Variants in TMEM132C observed in about 807,000 individuals in gnomAD.
The protein encoded by TMEM132C is protein phosphatase 1, regulatory subunit 152.
TMEM132C carries 29 observed loss-of-function variants against 61.4 expected under a neutral mutation model. The observed-to-expected ratio is 0.47, with a 90% CI of 0.35 to 0.64. The LOEUF is 0.64. TMEM132C is among the 30% of genes least tolerant of loss of function. TMEM132C has a pLI of 0.00. For synonymous variants in TMEM132C, 656 were observed against 633.1 expected (o/e 1.04, Z -0.54); for missense variants, 1,408 against 1,476.9 (o/e 0.95, Z 0.76).
At chr12:128,386,846 G>A (rs1874599098) in intron 1 of TMEM132C, among the ~76,000 whole-genome samples, 1 of 152,150 alleles carries the variant, frequency 6.6e-6, no homozygotes, top group Admixed American at 6.5e-5. Context: ...AACTGGAAAT[G>A]GGAACAGTGT....
chr12:128,415,607 C>A lies in TMEM132C; in HGVS notation c.961C>A (p.Leu321Ile). 6.5e-7 allele frequency: 1 copy of A among 1,531,074 alleles called. No individual in the cohort carries two copies. The highest frequency in any genetic ancestry group is 8.8e-7 in the Non-Finnish European group (1 of 1,134,818). The allele number at this position is 1,531,074 out of a possible 1,614,324, so 94.8% of individuals were successfully genotyped here. The change falls in exon 2 of 9, where the codon CTC becomes ATC. Residue 321 changes from leucine (L) to isoleucine (I), a missense_variant. Physicochemically the swap from Leu to Ile is conservative, Grantham distance 5. Coordinates refer to ENST00000435159, the MANE Select transcript of TMEM132C (RefSeq NM_001136103.3). The surrounding 1 kb of genome is among the most constrained non-coding windows in gnomAD (Gnocchi z 5.8). ...CATCTCGAGCAATTCCTCTGTGGAC[C>A]TCTTCATCTTGAGGTAGGTGCCCAT... is the stretch of plus-strand genomic sequence containing the variant. Reference protein sequence around the residue: ...VTISSNSSVDLFILRAKVKKG... With the variant: ...VTISSNSSVDIFILRAKVKKG...
At chr12:128,466,503 A>C (rs75485761) in intron 2 of TMEM132C, among the ~76,000 whole-genome samples, 4,545 of 152,218 alleles carry the variant, frequency 0.03, 240 homozygotes, top group African/African-American at 0.1. Context: ...CCAGGTCATG[A>C]CTTTTTTGCA....
chr12:128,691,431 G>C (rs1954718473), intron 5 of TMEM132C, among the ~76,000 whole-genome samples: 1 of 152,204 alleles, frequency 6.6e-6, no homozygotes, highest in Non-Finnish European at 1.5e-5. Flanking sequence ...CTGTCCATCT[G>C]TCTGTGCATC....
intron 1 of TMEM132C, among the ~76,000 whole-genome samples, chr12:128,386,116 G>A (rs1874573422): frequency 6.6e-6 from 1 of 152,106 alleles, no homozygotes; most frequent in African/African-American, 2.4e-5. Context: ...GAATTTTATG[G>A]GCAGAAAGTG....
At chr12:128,615,563 G>T (rs1445626578) in intron 3 of TMEM132C, among the ~76,000 whole-genome samples, 2 of 152,108 alleles carry the variant, frequency 1.3e-5, no homozygotes, top group Non-Finnish European at 2.9e-5. Flanking sequence ...CCTTACATGC[G>T]CAGTTCACAA....
intron 1 of TMEM132C, chr12:128,289,112 A>C (rs1304573474): frequency 2.0e-5 from 3 of 152,176 alleles, no homozygotes; most frequent in African/African-American, 7.2e-5. Flanking sequence ...ACACGTGCAC[A>C]AATACATATG....
At chr12:128,602,426 A>G (rs1429151426) in intron 3 of TMEM132C, among the ~76,000 whole-genome samples, 1 of 152,212 alleles carries the variant, frequency 6.6e-6, no homozygotes, top group Admixed American at 6.5e-5. Flanking sequence ...TGGTTGATTC[A>G]ACCTCTCGAG....
chr12:128,625,481 C>T (rs1213222276), intron 4 of TMEM132C, among the ~76,000 whole-genome samples: 2 of 152,166 alleles, frequency 1.3e-5, no homozygotes, highest in African/African-American at 4.8e-5. Flanking sequence ...GTTTAATGGA[C>T]TTACAGTTCC....
At chr12:128,411,363 G>A (rs1407260443) in intron 1 of TMEM132C, among the ~76,000 whole-genome samples, 1 of 152,198 alleles carries the variant, frequency 6.6e-6, no homozygotes, top group East Asian at 1.9e-4. Flanking sequence ...TCAATGATCA[G>A]TTTGGATCAT....
At chr12:128,653,772 G>A (rs1419848020) in intron 4 of TMEM132C, among the ~76,000 whole-genome samples, 3 of 152,214 alleles carry the variant, frequency 2.0e-5, no homozygotes, top group Non-Finnish European at 4.4e-5. Context: ...TCATGGTGAG[G>A]TGCGAGGTGG....
At chr12:128,394,928 T>G (rs911344280) in intron 1 of TMEM132C, among the ~76,000 whole-genome samples, 1 of 125,940 alleles carries the variant, frequency 7.9e-6, no homozygotes, top group Non-Finnish European at 1.7e-5. Context: ...AAAAATCTAG[T>G]AAAGCTAAAA....
chr12:128,519,876 CCT>C, intron 2 of TMEM132C, among the ~76,000 whole-genome samples: 1 of 152,296 alleles, frequency 6.6e-6, no homozygotes. Context: ...CCTGTGCGGC[CCT>C]GACTTCTGCT....
Position 128,674,597 on chromosome 12 carries a change from C to T in TMEM132C, c.1449+5037C>T, listed in dbSNP as rs556498296. On this transcript the variant is annotated intron_variant, in intron 5 of 8. Coordinates refer to ENST00000435159, the MANE Select transcript of TMEM132C (RefSeq NM_001136103.3). ...GAGTCATATCTGAGGGTTTCCTCTC[C>T]AGCTTATTGGGAAAATCCAGCAGAT... 7.2e-5 allele frequency among the ~76,000 whole-genome samples: 11 copies of T among 152,276 alleles called. No individual in the cohort carries two copies. In the South Asian group the frequency reaches 2.3e-3, roughly 32 times the overall value.
intron 1 of TMEM132C, among the ~76,000 whole-genome samples, chr12:128,344,189 G>A (rs566283602): frequency 6.6e-6 from 1 of 152,136 alleles, no homozygotes; most frequent in Non-Finnish European, 1.5e-5. Flanking sequence ...ACGGAGTCTT[G>A]CTCTGTTGCC....
At chr12:128,311,572 A>T (rs1325217688) in intron 1 of TMEM132C, among the ~76,000 whole-genome samples, 1 of 152,218 alleles carries the variant, frequency 6.6e-6, no homozygotes, top group Non-Finnish European at 1.5e-5. Context: ...GATCAAGTCC[A>T]TTAGATTTGC....
At chr12:128,365,879 G>A (rs546245701) in intron 1 of TMEM132C, among the ~76,000 whole-genome samples, 2 of 152,292 alleles carry the variant, frequency 1.3e-5, no homozygotes, top group East Asian at 3.9e-4. Flanking sequence ...GTGCCGAGGA[G>A]CCCTCCCCGG....
At chr12:128,695,451 G>A (rs565393172) in intron 6 of TMEM132C, among the ~76,000 whole-genome samples, 1 of 152,150 alleles carries the variant, frequency 6.6e-6, no homozygotes, top group East Asian at 1.9e-4. Context: ...TTAAGCCCAG[G>A]AGTTCAAGGC....
intron 3 of TMEM132C, among the ~76,000 whole-genome samples, chr12:128,612,436 G>A (rs1403923195): frequency 1.3e-5 from 2 of 152,182 alleles, no homozygotes; most frequent in African/African-American, 2.4e-5. Context: ...ATTAGGTTGA[G>A]TTGGCTCACA....
chr12:128,327,269 T>A (rs1334075071), intron 1 of TMEM132C, among the ~76,000 whole-genome samples: 1 of 150,194 alleles, frequency 6.7e-6, no homozygotes, highest in Non-Finnish European at 1.5e-5. Flanking sequence ...TTGAAGAGAC[T>A]TATTCTGAGC....
Sources: gnomAD v4.1 joint callset for allele counts (sites outside exome capture counted in the v4.1 genomes callset) on GRCh38, gnomAD v4.1.1 for gene constraint, Gnocchi (gnomAD v3.1) non-coding constraint, MANE v1.5 for transcripts, NCBI Gene and HGNC (gene_info 2026-07-23, HGNC 2026-07-21) for gene names.